XXYLT1: variants seen among roughly 807,000 people sequenced by gnomAD.
The protein encoded by XXYLT1 is xyloside xylosyltransferase 1, also known as UDP-xylose:alpha-xyloside alpha-1,3-xylosyltransferase.
Under a neutral mutation model 28.9 loss-of-function variants are expected in XXYLT1, and 20 were observed. The observed-to-expected ratio is 0.69, with a 90% CI of 0.49 to 1.00. The LOEUF (loss-of-function observed/expected upper bound fraction) is 1.00, where lower values mean the gene tolerates loss of function less well. Ranked by LOEUF, XXYLT1 falls within the 50% of genes least tolerant of loss-of-function variation. The pLI is 0.00. For missense variants in XXYLT1, 542 were observed against 560.1 expected, an observed-to-expected ratio of 0.97 and a Z score of 0.33; for synonymous variants, 257 against 253.8, an observed-to-expected ratio of 1.01 and a Z score of -0.12.
intron 3 of XXYLT1, among the ~76,000 whole-genome samples, chr3:195,127,118 T>C (rs920790394): frequency 1.3e-5 from 2 of 152,156 alleles, no homozygotes; most frequent in Non-Finnish European, 2.9e-5. Context: ...GGCATCTGCG[T>C]TCTAGAAGAG....
chr3:195,200,576 T>C (rs563279526), intron 2 of XXYLT1, among the ~76,000 whole-genome samples: 1 of 152,200 alleles, frequency 6.6e-6, no homozygotes, highest in Non-Finnish European at 1.5e-5. Flanking sequence ...GGCAAGGGCT[T>C]TGGCGACCAG....
intron 1 of XXYLT1, among the ~76,000 whole-genome samples, chr3:195,265,195 C>A (rs1039006674): frequency 6.6e-6 from 1 of 151,922 alleles, no homozygotes; most frequent in Admixed American, 6.6e-5. Flanking sequence ...CATAGTGAAA[C>A]GCCATCTCTG....
chr3:195,177,619 C>T (rs921638524), intron 2 of XXYLT1, among the ~76,000 whole-genome samples: 2 of 152,018 alleles, frequency 1.3e-5, no homozygotes, highest in Non-Finnish European at 2.9e-5. Flanking sequence ...CCTGCCTTAG[C>T]AGTAGCCTCA....
At chr3:195,225,237 G>A (rs968202240) in intron 2 of XXYLT1, among the ~76,000 whole-genome samples, 1 of 152,150 alleles carries the variant, frequency 6.6e-6, no homozygotes, top group Non-Finnish European at 1.5e-5. Flanking sequence ...CGGTGAGCTC[G>A]TCTCCTCTCT....
rs754733953 is a variant in XXYLT1 at position 195,173,336 on chromosome 3, G to A, written c.653-16755C>T. Among the ~76,000 whole-genome samples the A allele has an allele frequency of 6.6e-5, 10 of 152,130 alleles. No individual in the cohort carries two copies. Among genetic ancestry groups the A allele is most frequent in the Non-Finnish European group, 1.0e-4 (7 of 68,016 alleles). ...AGGAAGGCTCAGGGAAAGACGCAGCGTCTCCTCCCCCAGCATCTGCCTGGC... is the reference window on the plus strand; with the variant it reads ...AGGAAGGCTCAGGGAAAGACGCAGCATCTCCTCCCCCAGCATCTGCCTGGC... On this transcript the variant is annotated intron_variant, in intron 2 of 3. Transcript: ENST00000310380. The surrounding 1 kb of genome is among the most constrained non-coding windows in gnomAD (Gnocchi z 4.3).
intron 3 of XXYLT1, among the ~76,000 whole-genome samples, chr3:195,111,901 CTCGCCCCAA>C (rs1717738368): frequency 6.6e-6 from 1 of 152,146 alleles, no homozygotes; most frequent in Non-Finnish European, 1.5e-5. Flanking sequence ...AGATCATTTG[CTCGCCCCAA>C]TCGTGGAAGC....
At chr3:195,236,212 C>T (rs1724540851) in intron 1 of XXYLT1, among the ~76,000 whole-genome samples, 1 of 152,164 alleles carries the variant, frequency 6.6e-6, no homozygotes, top group African/African-American at 2.4e-5. Flanking sequence ...CAGGCAGGTC[C>T]AGAGATGCTA....
At chr3:195,103,213 G>C (rs530339538) in intron 3 of XXYLT1, among the ~76,000 whole-genome samples, 2 of 152,234 alleles carry the variant, frequency 1.3e-5, no homozygotes, top group African/African-American at 2.4e-5. Flanking sequence ...TAACAGACTG[G>C]AATTCCAGGC....
Position 195,255,700 on chromosome 3 carries a change from G to C in XXYLT1, c.504+14855C>G, listed in dbSNP as rs1207002949. ...CCATGAGTGCAGGGAACCAGAGAGG[G>C]CACAGGAGAGCTGCTCCCAGTCTCC... On this transcript the variant is annotated intron_variant, in intron 1 of 3. Coordinates refer to ENST00000310380, the MANE Select transcript of XXYLT1 (RefSeq NM_152531.5). This position sits in a 1 kb window ranked among gnomAD's most constrained non-coding sequence, Gnocchi z 4.5. Among the ~76,000 whole-genome samples the C allele has an allele frequency of 6.6e-6, 1 of 152,094 alleles. No individual in the cohort carries two copies. Among genetic ancestry groups the C allele is most frequent in the Non-Finnish European group, 1.5e-5 (1 of 68,008 alleles).
chr3:195,187,056 A>T (rs965165178), intron 2 of XXYLT1, among the ~76,000 whole-genome samples: 1 of 150,594 alleles, frequency 6.6e-6, no homozygotes, highest in Non-Finnish European at 1.5e-5. Context: ...CACCGTGCCC[A>T]GCTAATTTTT....
intron 3 of XXYLT1, among the ~76,000 whole-genome samples, chr3:195,119,181 G>C: frequency 6.6e-6 from 1 of 151,624 alleles, no homozygotes; most frequent in South Asian, 2.1e-4. Flanking sequence ...CTACTCGGGA[G>C]GCTAGGGCAG....
intron 3 of XXYLT1, among the ~76,000 whole-genome samples, chr3:195,081,693 GT>G (rs1715444029): frequency 6.6e-6 from 1 of 152,188 alleles, no homozygotes; most frequent in East Asian, 1.9e-4. Flanking sequence ...ATGTTATGAG[GT>G]AATGCAAGTA....
intron 2 of XXYLT1, among the ~76,000 whole-genome samples, chr3:195,170,513 C>A (rs550886153): frequency 7.9e-5 from 12 of 152,334 alleles, no homozygotes; most frequent in African/African-American, 2.9e-4. Context: ...GACTGGACTT[C>A]CAAATGCATT....
intron 1 of XXYLT1, among the ~76,000 whole-genome samples, chr3:195,239,614 T>C (rs1051919876): frequency 2.0e-5 from 3 of 152,210 alleles, no homozygotes; most frequent in Admixed American, 1.3e-4. Flanking sequence ...TATTAATTTG[T>C]TTACATACAC....
chr3:195,213,189 C>T (rs1446032877), intron 2 of XXYLT1, among the ~76,000 whole-genome samples: 1 of 151,494 alleles, frequency 6.6e-6, no homozygotes, highest in African/African-American at 2.4e-5. Context: ...CTTTCCTGCC[C>T]ACATCCGCAT....
intron 2 of XXYLT1, chr3:195,207,642 T>C (rs1723131481): frequency 3.8e-6 from 1 of 262,370 alleles, no homozygotes; most frequent in Non-Finnish European, 7.8e-6. Context: ...TACTGCTGCA[T>C]AACAAGTTAA....
Position 195,144,463 on chromosome 3 carries a change from G to A in XXYLT1, c.785+11986C>T, listed in dbSNP as rs975652462. 3.3e-5 allele frequency among the ~76,000 whole-genome samples: 5 copies of A among 151,530 alleles called. No individual in the cohort carries two copies. In the South Asian group the frequency reaches 8.3e-4, roughly 25 times the overall value. On this transcript the variant is annotated intron_variant, in intron 3 of 3. Coordinates refer to ENST00000310380, the MANE Select transcript of XXYLT1 (RefSeq NM_152531.5). Reference sequence around the variant, plus strand: ...GCAATCTCGGCTCACTGCAACCTCCGCCTCCCGGGTTCAAGTGATTCTCCT... The same window carrying A: ...GCAATCTCGGCTCACTGCAACCTCCACCTCCCGGGTTCAAGTGATTCTCCT...
At chr3:195,177,134 G>A (rs1172736838) in intron 2 of XXYLT1, among the ~76,000 whole-genome samples, 1 of 152,214 alleles carries the variant, frequency 6.6e-6, no homozygotes, top group East Asian at 1.9e-4. Context: ...AACCTCCTGT[G>A]GGCTTCCCAG....
chr3:195,184,336 T>C (rs1722082153), intron 2 of XXYLT1, among the ~76,000 whole-genome samples: 1 of 152,234 alleles, frequency 6.6e-6, no homozygotes, highest in Non-Finnish European at 1.5e-5. Flanking sequence ...TTTAGCCCAA[T>C]ATGTGGAGCT....
Sources: gnomAD v4.1 joint callset for allele counts (sites outside exome capture counted in the v4.1 genomes callset) on GRCh38, gnomAD v4.1.1 for gene constraint, Gnocchi (gnomAD v3.1) non-coding constraint, MANE v1.5 for transcripts, NCBI Gene and HGNC (gene_info 2026-07-23, HGNC 2026-07-21) for gene names.